Variants in NEK8 observed in about 807,000 individuals in gnomAD.
NEK8 encodes serine/threonine-protein kinase Nek8.
NEK8 carries 51 observed loss-of-function variants against 77.2 expected under a neutral mutation model. The observed-to-expected ratio is 0.66, with a 90% confidence interval of 0.53 to 0.83. NEK8 has a LOEUF of 0.83. Ranked by LOEUF, NEK8 falls within the 40% of genes least tolerant of loss-of-function variation. The pLI, the probability that NEK8 is intolerant of heterozygous loss-of-function variation, is 0.00. For missense variants in NEK8, 787 were observed against 909.2 expected, an observed-to-expected ratio of 0.87 and a Z score of 1.73; for synonymous variants, 365 against 363.2, an observed-to-expected ratio of 1.00 and a Z score of -0.06.
In NEK8 at chr17:28,738,711, G is replaced by A. The variant is rs147061645; in HGVS notation, c.1263G>A (p.Gly421=). Residue 421 remains glycine, a synonymous_variant, in exon 9 of 15, where the codon GGG becomes GGA. Coordinates refer to ENST00000268766, the MANE Select transcript of NEK8 (RefSeq NM_178170.3). ...TGACATTCGGCAGCGGCAGCAATGG[G>A]TGCCTAGGCCATGGCAGCCTCACTG... The part of the protein sequence containing the change: ...IIMTFGSGSN[G]CLGHGSLTDI... The A allele has an allele frequency of 3.3e-5, 53 of 1,614,114 alleles. No individual in the cohort carries two copies. The African/African-American group carries it at 6.8e-4, about 21-fold the overall frequency.
intron 10 of NEK8, among the ~76,000 whole-genome samples, chr17:28,739,826 G>A (rs563713514): frequency 6.6e-6 from 1 of 152,154 alleles, no homozygotes; most frequent in East Asian, 1.9e-4. Flanking sequence ...GACACTGATG[G>A]GTTCTTGTCT....
intron 1 of NEK8, among the ~76,000 whole-genome samples, chr17:28,730,277 ATTTTTTTTTTTTTTTT>A (rs36102062): frequency 1.1e-5 from 1 of 89,266 alleles, no homozygotes; most frequent in African/African-American, 5.3e-5. Context: ...CAACCGGCTA[ATTTTTTTTTTTTTTTT>A]TTTTTTTTTT....
At position 28,741,259 on chromosome 17, in the gene NEK8, G is replaced by A. The variant is rs188928988; in HGVS notation, c.1891+23G>A. ...CAGGTGAGGACTGAGCATGGTGGGG[G>A]CAGACAGTGCCATGAGCAGTGGGGG... On this transcript the variant is annotated intron_variant, in intron 13 of 14. Coordinates refer to ENST00000268766, the MANE Select transcript of NEK8 (RefSeq NM_178170.3). This position sits in a 1 kb window ranked among gnomAD's most constrained non-coding sequence, Gnocchi z 4.5. 116 of 1,596,490 alleles carry A rather than the reference G, an allele frequency of 7.3e-5. No individual in the cohort carries two copies. In the East Asian group the frequency reaches 2.3e-3, roughly 31 times the overall value.
chr17:28,729,531 G>GA (rs1357886018), intron 1 of NEK8, among the ~76,000 whole-genome samples: 10 of 98,138 alleles, frequency 1.0e-4, no homozygotes, highest in African/African-American at 3.0e-4. Flanking sequence ...AAATTTTTTG[G>GA]ATTTTTTTTT....
chr17:28,738,055 T>C (rs554563297), intron 7 of NEK8, 40 bp from the exon 8 acceptor site: 9 of 1,612,618 alleles, frequency 5.6e-6, no homozygotes, highest in Admixed American at 5.0e-5. Context: ...CACAGCAGGG[T>C]TGGGGTGCTC....
intron 10 of NEK8, among the ~76,000 whole-genome samples, chr17:28,739,910 C>T (rs181411808): frequency 7.9e-5 from 12 of 152,318 alleles, no homozygotes; most frequent in Admixed American, 3.3e-4. Context: ...ATCAGGGCTA[C>T]ACCCCAGTGC....
intron 10 of NEK8, among the ~76,000 whole-genome samples, chr17:28,739,776 C>T (rs1264453584): frequency 3.3e-5 from 5 of 151,998 alleles, no homozygotes; most frequent in Admixed American, 6.6e-5. Context: ...TTGAGGTCCT[C>T]TTTGGGTCAG....
chr17:28,731,310 C>A (rs1045576976), intron 1 of NEK8, among the ~76,000 whole-genome samples: 1 of 151,736 alleles, frequency 6.6e-6, no homozygotes, highest in African/African-American at 2.4e-5. Context: ...GAGGCCGAGG[C>A]GGGCAGGTCA....
Position 28,738,933 on chromosome 17 carries a change from G to T in NEK8, c.1300-151G>T, listed in dbSNP as rs569278370. On this transcript the variant is annotated intron_variant, in intron 9 of 14. Transcript: ENST00000268766. ...ACAGAAAAACCAGGCTTCCCCAATG[G>T]TTGCCCACCTGGCAGTGTGTATGGC... 849 of 838,286 alleles carry T rather than the reference G, an allele frequency of 1.0e-3. 12 individuals are homozygous for T. In the South Asian group the frequency reaches 0.011, roughly 11 times the overall value. The allele number at this position is 838,286 out of a possible 1,614,324, so 51.9% of individuals were successfully genotyped here. A position where few individuals can be genotyped will look rare whatever the true frequency, so the allele number is the denominator to read the frequency against.
chr17:28,735,191 C>A (rs928092875), intron 3 of NEK8, 49 bp from the exon 4 acceptor site: 22 of 1,612,072 alleles, frequency 1.4e-5, no homozygotes, highest in Non-Finnish European at 1.6e-5. Flanking sequence ...GCACAGAGCC[C>A]CTGGTCTTCC....
At chr17:28,732,363 G>A (rs537233847) in intron 1 of NEK8, among the ~76,000 whole-genome samples, 2 of 151,922 alleles carry the variant, frequency 1.3e-5, no homozygotes, top group Non-Finnish European at 2.9e-5. Flanking sequence ...GGTGACAGGA[G>A]TGAAAGGGAC....
rs1011308661 is a variant in NEK8 at position 28,734,357 on chromosome 17, C to A, written c.253+169C>A. 4 of 661,184 alleles carry A rather than the reference C, an allele frequency of 6.0e-6. No homozygotes were observed. In the African/African-American group the frequency reaches 7.2e-5, roughly 12 times the overall value. The allele number at this position is 661,184 out of a possible 1,614,324, so 41.0% of individuals were successfully genotyped here. A position where few individuals can be genotyped will look rare whatever the true frequency, so the allele number is the denominator to read the frequency against. ...CCTTGTCCTCTCTGGTCCCAGTGCC[C>A]TGTTCCATACATAAAAGGAGAGGGG... On this transcript the variant is annotated intron_variant, in intron 2 of 14. Transcript: ENST00000268766.
Position 28,737,747 on chromosome 17 carries a change from A to C in NEK8, c.889+11A>C. 6.2e-7 allele frequency: 1 copy of C among 1,614,162 alleles called. No homozygotes were observed. Among genetic ancestry groups the C allele is most frequent in the Non-Finnish European group, 8.5e-7 (1 of 1,180,020 alleles). On this transcript the variant is annotated intron_variant, in intron 6 of 14. Transcript: ENST00000268766. The surrounding 1 kb of genome is among the most constrained non-coding windows in gnomAD (Gnocchi z 4.8). ...GTGTCCGCTGCAGAGGTAAGTGGGA[A>C]GAGGCCGCCAGTCCCCATGGATGCC...
chr17:28,742,245 T>G lies in NEK8; in HGVS notation c.*258T>G. 3 of 598,676 alleles carry G rather than the reference T, an allele frequency of 5.0e-6. No homozygotes were observed. The South Asian group carries it at 5.6e-5, about 11-fold the overall frequency. 37.1% of individuals were successfully genotyped at this position (598,676 alleles called of 1,614,324 possible). A position where few individuals can be genotyped will look rare whatever the true frequency, so the allele number is the denominator to read the frequency against. On this transcript the variant is annotated 3_prime_UTR_variant, in exon 15 of 15. Coordinates refer to ENST00000268766, the MANE Select transcript of NEK8 (RefSeq NM_178170.3). ...CCCCAGGGTCCAGCCTGGCTAGAGT[T>G]AGAAGGCAGACCTAGCCTTTGGAAG...
Position 28,741,713 on chromosome 17 carries a change from C to CT in NEK8, c.2050+144dup. 1.7e-6 allele frequency: 2 copies of CT among 1,184,010 alleles called. 1 individual carries two copies. The highest frequency in any genetic ancestry group is 2.5e-5 in the South Asian group (2 of 80,452). The allele number at this position is 1,184,010 out of a possible 1,614,324, so 73.3% of individuals were successfully genotyped here. ...AAAAGCAGAAGCTGCGGTTGAAAAG[C>CT]TTCAAGCTTCCTGCCTGGGGTGGCC... On this transcript the variant is annotated intron_variant, in intron 14 of 14. Transcript: ENST00000268766. This position sits in a 1 kb window ranked among gnomAD's most constrained non-coding sequence, Gnocchi z 4.5.
chr17:28,734,696 A>AC, intron 2 of NEK8, 76 bp from the exon 3 acceptor site: 3 of 1,087,120 alleles, frequency 2.8e-6, no homozygotes, highest in East Asian at 2.4e-5. Context: ...CAAAAAAAAA[A>AC]AACAACAACA....
chr17:28,739,035 T>TGGCTCCAGAC, intron 9 of NEK8, 49 bp from the exon 10 acceptor site: 1 of 1,396,532 alleles, frequency 7.2e-7, no homozygotes, highest in Non-Finnish European at 1.0e-6. Flanking sequence ...TGAAGCCAGA[T>TGGCTCCAGAC]GGCTCCAGAC....
At chr17:28,734,613 G>C (rs546957695) in intron 2 of NEK8, 159 bp from the exon 3 acceptor site, 9 of 633,340 alleles carry the variant, frequency 1.4e-5, no homozygotes, top group East Asian at 2.8e-5. Flanking sequence ...GAACCCGGGA[G>C]GGGGGGCTTG....
At position 28,742,467 on chromosome 17, in the gene NEK8, G is replaced by A. The variant is rs528347456; in HGVS notation, c.*480G>A. 2.3e-4 allele frequency: 50 copies of A among 220,668 alleles called. 1 individual carries two copies. The highest frequency in any genetic ancestry group is 2.2e-3 in the South Asian group (38 of 16,932). The allele number at this position is 220,668 out of a possible 1,614,324, so 13.7% of individuals were successfully genotyped here. ...AAATTAGCTGGGCGTGGTGGCACGCGCCTGTAGTCCCAGCTGCTCAGGAGG... is the reference window on the plus strand; with the variant it reads ...AAATTAGCTGGGCGTGGTGGCACGCACCTGTAGTCCCAGCTGCTCAGGAGG... On this transcript the variant is annotated 3_prime_UTR_variant, in exon 15 of 15. Coordinates refer to ENST00000268766, the MANE Select transcript of NEK8 (RefSeq NM_178170.3).
Sources: gnomAD v4.1 joint callset for allele counts (sites outside exome capture counted in the v4.1 genomes callset) on GRCh38, gnomAD v4.1.1 for gene constraint, Gnocchi (gnomAD v3.1) non-coding constraint, MANE v1.5 for transcripts, NCBI Gene and HGNC (gene_info 2026-07-23, HGNC 2026-07-21) for gene names.